LPP: variants seen among roughly 807,000 people sequenced by gnomAD.
LPP encodes lipoma-preferred partner.
LPP carries 38 observed loss-of-function variants against 60.4 expected under a neutral mutation model. That is an observed-to-expected ratio of 0.63 (90% CI 0.49 to 0.83). LPP has a LOEUF of 0.83. Ranked by LOEUF, LPP falls within the 40% of genes least tolerant of loss-of-function variation. The probability of loss-of-function intolerance (pLI) is 0.00; values close to 1 mark genes in which losing one functional copy is unlikely to be tolerated. For synonymous variants in LPP, 328 were observed against 290.8 expected, an observed-to-expected ratio of 1.13 and a Z score of -1.30; for missense variants, 902 against 783.6, an observed-to-expected ratio of 1.15 and a Z score of -1.80.
intron 7 of LPP, among the ~76,000 whole-genome samples, chr3:188,670,842 G>A (rs776240222): frequency 2.0e-5 from 3 of 152,112 alleles, no homozygotes; most frequent in African/African-American, 4.8e-5. Context: ...ATGACCACAG[G>A]CTTTATATTT....
intron 8 of LPP, among the ~76,000 whole-genome samples, chr3:188,744,502 C>A (rs1396376050): frequency 6.6e-6 from 1 of 152,124 alleles, no homozygotes; most frequent in Non-Finnish European, 1.5e-5. Context: ...AACTAAGGTG[C>A]AAATTTTAGC....
chr3:188,552,000 CAACAAACA>C lies in LPP; in HGVS notation c.429+27226_429+27233del, dbSNP rs57372999. 5.3e-5 allele frequency among the ~76,000 whole-genome samples: 8 copies of C among 151,544 alleles called. 1 individual carries two copies. The East Asian group carries it at 1.2e-3, about 22-fold the overall frequency. ...GTGCAAAAAGTTTGAACATTAACAACAACAAACAAACAAACAAACAGAAAACAGAAAAA... is the reference window on the plus strand; with the variant it reads ...GTGCAAAAAGTTTGAACATTAACAACAACAAACAAACAGAAAACAGAAAAA... On this transcript the variant is annotated intron_variant, in intron 6 of 11. Coordinates refer to ENST00000617246, the MANE Select transcript of LPP (RefSeq NM_001375462.1).
At chr3:188,714,672 T>G (rs537670436) in intron 8 of LPP, among the ~76,000 whole-genome samples, 1 of 152,300 alleles carries the variant, frequency 6.6e-6, no homozygotes, top group East Asian at 1.9e-4. Context: ...AACTTGTGAC[T>G]GTCGCATTAC....
intron 3 of LPP, among the ~76,000 whole-genome samples, chr3:188,347,112 C>CTAATAAATA (rs1313513900): frequency 4.6e-5 from 7 of 152,182 alleles, no homozygotes; most frequent in Middle Eastern, 3.4e-3. Flanking sequence ...AGTTTTACAG[C>CTAATAAATA]TAATAAATAT....
At chr3:188,865,842 G>A (rs1766439105) in intron 9 of LPP, among the ~76,000 whole-genome samples, 1 of 152,186 alleles carries the variant, frequency 6.6e-6, no homozygotes, top group South Asian at 2.1e-4. Context: ...CATCACCCAT[G>A]CTGTAGGAAA....
chr3:188,331,118 G>C (rs1759943782), intron 2 of LPP, among the ~76,000 whole-genome samples: 1 of 152,076 alleles, frequency 6.6e-6, no homozygotes, highest in Non-Finnish European at 1.5e-5. Flanking sequence ...CCTTGTCTCA[G>C]CTTCTTGAGG....
chr3:188,157,480 A>G (rs867740862), intron 1 of LPP, among the ~76,000 whole-genome samples: 1 of 152,178 alleles, frequency 6.6e-6, no homozygotes, highest in Non-Finnish European at 1.5e-5. Context: ...AGTGTAACTC[A>G]TAAGAACTGT....
rs1158310881 is a variant in LPP, at chr3:188,495,999, A to ATATATAATACT, written c.306+11295_306+11296insTATATAATACT. On this transcript the variant is annotated intron_variant, in intron 5 of 11. Transcript: ENST00000617246. ...TTTGTACTCTTACTATATAACTTAA[A>ATATATAATACT]ATATATTATAGCATGGGGTGTTTAT... Among the ~76,000 whole-genome samples, 26 of 152,276 alleles carry ATATATAATACT rather than the reference A, an allele frequency of 1.7e-4. No homozygotes were observed. The East Asian group carries it at 4.8e-3, about 28-fold the overall frequency.
intron 9 of LPP, among the ~76,000 whole-genome samples, chr3:188,769,296 G>C (rs1429491906): frequency 1.3e-5 from 2 of 152,120 alleles, no homozygotes; most frequent in African/African-American, 4.8e-5. Context: ...GTTTTCAGTG[G>C]GGGAATGAAT....
intron 1 of LPP, among the ~76,000 whole-genome samples, chr3:188,196,367 G>T (rs943193228): frequency 6.6e-6 from 1 of 152,112 alleles, no homozygotes; most frequent in African/African-American, 2.4e-5. Context: ...GAGTGACATC[G>T]CCCAATCCTG....
intron 8 of LPP, among the ~76,000 whole-genome samples, chr3:188,717,418 A>T (rs887672812): frequency 5.9e-5 from 9 of 152,252 alleles, no homozygotes; most frequent in African/African-American, 2.2e-4. Context: ...GCTTCTATCA[A>T]TTACAAACTG....
chr3:188,386,260 G>GCACACACACACA (rs1491279764), intron 3 of LPP, among the ~76,000 whole-genome samples: 2 of 96,832 alleles, frequency 2.1e-5, no homozygotes, highest in East Asian at 5.2e-4. Flanking sequence ...GTCATAGCAT[G>GCACACACACACA]CGCGCACACA....
At chr3:188,575,186 A>G (rs1834349145) in intron 6 of LPP, among the ~76,000 whole-genome samples, 1 of 152,146 alleles carries the variant, frequency 6.6e-6, no homozygotes, top group Non-Finnish European at 1.5e-5. Flanking sequence ...CTGCTGTATA[A>G]CAACGTAGTT....
In LPP at chr3:188,881,820, G is replaced by T; in HGVS notation, c.*7341G>T. On this transcript the variant is annotated 3_prime_UTR_variant, in exon 12 of 12. Coordinates refer to ENST00000617246, the MANE Select transcript of LPP (RefSeq NM_001375462.1). ...TCATATTAAATATTAACACTTTATAGGTTCTACTTTAATATATGGACACTT... is the reference window on the plus strand; with the variant it reads ...TCATATTAAATATTAACACTTTATATGTTCTACTTTAATATATGGACACTT... 1 of 216,508 alleles carries T rather than the reference G, an allele frequency of 4.6e-6. No homozygotes were observed. The highest frequency in any genetic ancestry group is 9.3e-6 in the Non-Finnish European group (1 of 107,544). 13.4% of individuals were successfully genotyped at this position (216,508 alleles called of 1,614,324 possible).
chr3:188,477,455 G>C (rs1420139891), intron 4 of LPP, among the ~76,000 whole-genome samples: 1 of 152,220 alleles, frequency 6.6e-6, no homozygotes, highest in Non-Finnish European at 1.5e-5. Flanking sequence ...GAGCAAGTCA[G>C]TGCAATTGCT....
chr3:188,534,432 A>T (rs1262560574), intron 6 of LPP, among the ~76,000 whole-genome samples: 3 of 152,260 alleles, frequency 2.0e-5, no homozygotes, highest in Non-Finnish European at 4.4e-5. Context: ...GCAGAAGCAC[A>T]CATCACATTT....
At chr3:188,505,402 T>G (rs1813168973) in intron 5 of LPP, among the ~76,000 whole-genome samples, 1 of 152,194 alleles carries the variant, frequency 6.6e-6, no homozygotes, top group Non-Finnish European at 1.5e-5. Context: ...GTTCTCACTT[T>G]GACCTTCCGT....
chr3:188,761,734 G>C (rs1328124280), intron 9 of LPP, among the ~76,000 whole-genome samples: 2 of 152,192 alleles, frequency 1.3e-5, no homozygotes, highest in Admixed American at 1.3e-4. Flanking sequence ...TGTTGATCTG[G>C]AAGGAGCAAT....
chr3:188,680,043 A>T (rs1020637370), intron 7 of LPP, among the ~76,000 whole-genome samples: 2 of 152,196 alleles, frequency 1.3e-5, no homozygotes, highest in South Asian at 4.1e-4. Flanking sequence ...GTCAACAAAC[A>T]TTCACTAGTG....
Sources: allele counts gnomAD v4.1 joint callset (sites outside exome capture counted in the v4.1 genomes callset), GRCh38; gene constraint gnomAD v4.1.1; transcripts MANE v1.5; gene names NCBI Gene and HGNC (gene_info 2026-07-23, HGNC 2026-07-21).